ALLC: variants seen among roughly 807,000 people sequenced by gnomAD.
The protein encoded by ALLC is probable inactive allantoicase.
A neutral mutation model predicts 45.0 loss-of-function variants in ALLC; 40 were observed. That is an observed-to-expected ratio of 0.89 (90% CI 0.69 to 1.16). ALLC has a LOEUF of 1.16. ALLC is among the 50% of genes most tolerant of loss of function. The probability of loss-of-function intolerance (pLI) is 0.00; values close to 1 mark genes in which losing one functional copy is unlikely to be tolerated. For missense variants in ALLC, 488 were observed against 493.1 expected, an observed-to-expected ratio of 0.99 and a Z score of 0.10; for synonymous variants, 176 against 178.1, an observed-to-expected ratio of 0.99 and a Z score of 0.09.
chr2:3,647,151 C>T, the ALLC span, among the ~76,000 whole-genome samples: 6 of 152,102 alleles, frequency 3.9e-5, no homozygotes, highest in African/African-American at 1.2e-4. Context: ...GCAGGGGTTG[C>T]GCGTGTGATG....
At chr2:3,665,194 C>A (rs961692951) in intron 1 of ALLC, among the ~76,000 whole-genome samples, 1 of 152,128 alleles carries the variant, frequency 6.6e-6, no homozygotes, top group Admixed American at 6.5e-5. Flanking sequence ...GGCATCGCTA[C>A]ACTGACTAAT....
intron 3 of ALLC, among the ~76,000 whole-genome samples, chr2:3,678,167 T>C (rs1667075162): frequency 6.6e-6 from 1 of 152,214 alleles, no homozygotes; most frequent in Non-Finnish European, 1.5e-5. Flanking sequence ...TAGGTTGCTG[T>C]TGGGAATTGC....
intron 2 of ALLC, among the ~76,000 whole-genome samples, chr2:3,671,430 C>T (rs1423390335): frequency 2.0e-5 from 3 of 152,268 alleles, no homozygotes; most frequent in Non-Finnish European, 4.4e-5. Context: ...GACTGTGGTC[C>T]TCTGCTCTAG....
chr2:3,659,405 G>C (rs1000407967), intron 1 of ALLC, among the ~76,000 whole-genome samples: 2 of 152,196 alleles, frequency 1.3e-5, no homozygotes, highest in Non-Finnish European at 2.9e-5. Context: ...CATTTGCGGT[G>C]ATTAAGTTGA....
At chr2:3,686,755 G>A (rs1216834087) in intron 7 of ALLC, among the ~76,000 whole-genome samples, 3 of 150,972 alleles carry the variant, frequency 2.0e-5, no homozygotes, top group African/African-American at 7.3e-5. Context: ...CACTGTTGGT[G>A]TGTATAAATG....
At chr2:3,646,921 G>C in the ALLC span, among the ~76,000 whole-genome samples, 1 of 143,466 alleles carries the variant, frequency 7.0e-6, no homozygotes, top group East Asian at 2.1e-4. Context: ...TGGGGGGCCA[G>C]GCTGTGTGTG....
At chr2:3,646,360 A>G in the ALLC span, among the ~76,000 whole-genome samples, 1 of 152,226 alleles carries the variant, frequency 6.6e-6, no homozygotes, top group Non-Finnish European at 1.5e-5. Context: ...TCTGACCCAG[A>G]AGTCTCATGT....
chr2:3,691,254 C>CTT (rs1159806601), intron 7 of ALLC, among the ~76,000 whole-genome samples: 3 of 143,862 alleles, frequency 2.1e-5, no homozygotes, highest in Non-Finnish European at 3.1e-5. Context: ...TTATCCTTGA[C>CTT]TTTTTTTTTT....
chr2:3,688,650 C>T (rs766883361), intron 7 of ALLC: 4 of 174,598 alleles, frequency 2.3e-5, no homozygotes, highest in African/African-American at 9.6e-5. Flanking sequence ...GCTTACCCCT[C>T]TAAGTGAGCC....
At chr2:3,651,436 TGTGTGTTAGG>T in the ALLC span, among the ~76,000 whole-genome samples, 492 of 56,868 alleles carry the variant, frequency 8.7e-3, 25 homozygotes, top group Admixed American at 0.016. Flanking sequence ...TGTGTGTGTG[TGTGTGTTAGG>T]AAGGGAGACG....
chr2:3,652,651 G>A, the ALLC span, among the ~76,000 whole-genome samples: 4 of 145,294 alleles, frequency 2.8e-5, no homozygotes, highest in East Asian at 4.2e-4. Flanking sequence ...ATGCAGTGGC[G>A]TGATCTCGGC....
intron 2 of ALLC, among the ~76,000 whole-genome samples, chr2:3,672,010 TA>T: frequency 9.1e-6 from 1 of 109,862 alleles, no homozygotes; most frequent in African/African-American, 4.3e-5. Flanking sequence ...CCTCTGGCTC[TA>T]GTTAGATCCG....
At chr2:3,685,111 T>A (rs1294069825) in intron 7 of ALLC, among the ~76,000 whole-genome samples, 1 of 152,190 alleles carries the variant, frequency 6.6e-6, no homozygotes, top group Non-Finnish European at 1.5e-5. Context: ...TCTATTGTTG[T>A]TCTATTTTTA....
chr2:3,690,567 CTG>C (rs893745095), intron 7 of ALLC, among the ~76,000 whole-genome samples: 4 of 150,052 alleles, frequency 2.7e-5, no homozygotes, highest in African/African-American at 9.8e-5. Flanking sequence ...GGTTTTTGCA[CTG>C]TGGTTACCAT....
chr2:3,651,434 TGTGTGTGTTAGGAAGGGA>T, the ALLC span, among the ~76,000 whole-genome samples: 1 of 60,534 alleles, frequency 1.7e-5, no homozygotes, highest in Non-Finnish European at 3.8e-5. Context: ...TGTGTGTGTG[TGTGTGTGTTAGGAAGGGA>T]GACGAGTTAA....
At chr2:3,695,620 C>G (rs1293152847) in intron 7 of ALLC, 97 bp from the exon 8 acceptor site, 2 of 1,436,898 alleles carry the variant, frequency 1.4e-6, no homozygotes, top group African/African-American at 1.4e-5. Flanking sequence ...CAAAGCCTAC[C>G]AAGAGATGAC....
At chr2:3,673,086 G>T (rs1324664027) in intron 2 of ALLC, among the ~76,000 whole-genome samples, 1 of 152,232 alleles carries the variant, frequency 6.6e-6, no homozygotes, top group Non-Finnish European at 1.5e-5. Context: ...GGCCAGCTGA[G>T]TGCTGCTGGA....
chr2:3,678,098 G>A (rs1185524568), intron 3 of ALLC, among the ~76,000 whole-genome samples: 1 of 152,170 alleles, frequency 6.6e-6, no homozygotes, highest in Non-Finnish European at 1.5e-5. Flanking sequence ...ATTCCTGATT[G>A]AATAGTCTAC....
the ALLC span, among the ~76,000 whole-genome samples, chr2:3,651,101 C>T: frequency 6.6e-6 from 1 of 151,952 alleles, no homozygotes; most frequent in African/African-American, 2.4e-5. Context: ...TTTCTCAGAG[C>T]CCTCTGAAGC....
Sources: gnomAD v4.1 joint callset for allele counts (sites outside exome capture counted in the v4.1 genomes callset) on GRCh38, gnomAD v4.1.1 for gene constraint, MANE v1.5 for transcripts, NCBI Gene and HGNC (gene_info 2026-07-23, HGNC 2026-07-21) for gene names.